The following KCNAB2 variants were observed in gnomAD, a reference collection of about 807,000 sequenced individuals.
The protein encoded by KCNAB2 is potassium voltage-gated channel subfamily A regulatory beta subunit 2.
In KCNAB2, 29 loss-of-function variants were observed where a neutral mutation model predicts 63.6. That is an observed-to-expected ratio of 0.46 (90% confidence interval 0.34 to 0.62). KCNAB2 has a LOEUF of 0.62. Ranked by LOEUF, KCNAB2 falls within the 20% of genes least tolerant of loss-of-function variation. The pLI is 0.01. For synonymous variants in KCNAB2, 222 were observed against 224.2 expected (o/e 0.99, Z 0.09); for missense variants, 359 against 563.9 (o/e 0.64, Z 3.68).
At chr1:6,018,923 C>T (rs1325028571) in intron 1 of KCNAB2, 2 of 152,336 alleles carry the variant, frequency 1.3e-5, no homozygotes, top group Non-Finnish European at 2.9e-5. Flanking sequence ...TTTATGGATG[C>T]TGAGATTGGG....
intron 15 of KCNAB2, 134 bp from the exon 16 acceptor site, chr1:6,098,351 A>T: frequency 6.8e-7 from 1 of 1,468,816 alleles, no homozygotes; most frequent in Non-Finnish European, 9.0e-7. Flanking sequence ...CATCTGCCTC[A>T]GATGGAGCCC....
At chr1:6,084,942 GGGGCCGCCA>G (rs1448413040) in intron 5 of KCNAB2, among the ~76,000 whole-genome samples, 1 of 152,246 alleles carries the variant, frequency 6.6e-6, no homozygotes, top group Non-Finnish European at 1.5e-5. Flanking sequence ...TGTGAGAGCT[GGGGCCGCCA>G]CTGCTTAGAC....
At chr1:6,020,324 G>A (rs982671069) in intron 1 of KCNAB2, among the ~76,000 whole-genome samples, 3 of 152,128 alleles carry the variant, frequency 2.0e-5, no homozygotes, top group African/African-American at 4.8e-5. Context: ...GGGCTGGCTC[G>A]GGATCTCGTT....
chr1:6,074,079 G>A lies in KCNAB2; in HGVS notation c.300+309G>A, dbSNP rs1024126328. Among the ~76,000 whole-genome samples, 2 of 152,172 alleles carry A rather than the reference G, an allele frequency of 1.3e-5. No homozygotes were observed. Among genetic ancestry groups the A allele is most frequent in the Non-Finnish European group, 2.9e-5 (2 of 68,026 alleles). On this transcript the variant is annotated intron_variant, in intron 4 of 15. Transcript: ENST00000378083. The surrounding 1 kb of genome is among the most constrained non-coding windows in gnomAD (Gnocchi z 4.9). ...GCGTGACCCCCATTCCACAGTTAAC[G>A]AGGAGAATTCAGGGTGCACACGCTT...
chr1:6,020,906 C>T (rs922017758), intron 1 of KCNAB2, among the ~76,000 whole-genome samples: 9 of 152,034 alleles, frequency 5.9e-5, no homozygotes, highest in Admixed American at 2.0e-4. Flanking sequence ...GTGATCTGCC[C>T]GCCTCGGCCT....
intron 5 of KCNAB2, among the ~76,000 whole-genome samples, chr1:6,084,292 T>C (rs1664459132): frequency 6.6e-6 from 1 of 152,198 alleles, no homozygotes; most frequent in Non-Finnish European, 1.5e-5. Flanking sequence ...CTGGGTTTGG[T>C]GCAGGACCCA....
At chr1:6,026,173 A>C (rs567948528) in intron 1 of KCNAB2, 2 of 152,570 alleles carry the variant, frequency 1.3e-5, no homozygotes, top group East Asian at 3.9e-4. Flanking sequence ...GCCGCTGCTC[A>C]TCCAGGAAGG....
intron 2 of KCNAB2, among the ~76,000 whole-genome samples, chr1:6,051,973 G>A (rs761277386): frequency 6.6e-6 from 1 of 152,078 alleles, no homozygotes; most frequent in Non-Finnish European, 1.5e-5. Flanking sequence ...ATAGTGGGGC[G>A]CACCTGTAGT....
At chr1:6,083,793 TCTC>T (rs886412265) in intron 5 of KCNAB2, among the ~76,000 whole-genome samples, 30 of 152,196 alleles carry the variant, frequency 2.0e-4, no homozygotes, top group African/African-American at 7.2e-4. Flanking sequence ...GCCCCTTGCT[TCTC>T]CTGCTGACAC....
intron 10 of KCNAB2, among the ~76,000 whole-genome samples, 181 bp downstream of exon 10, chr1:6,091,488 A>G (rs1665180926): frequency 6.6e-6 from 1 of 151,862 alleles, no homozygotes; most frequent in African/African-American, 2.4e-5. Context: ...GTGGTGTTGG[A>G]GCCCCTCGCC....
chr1:6,049,790 C>A (rs532576860), intron 1 of KCNAB2, among the ~76,000 whole-genome samples: 1 of 152,354 alleles, frequency 6.6e-6, no homozygotes, highest in Non-Finnish European at 1.5e-5. Context: ...CTGAGCTAGG[C>A]CTCATGCTGG....
chr1:6,009,342 C>G (rs1658010259), intron 1 of KCNAB2, among the ~76,000 whole-genome samples: 1 of 152,240 alleles, frequency 6.6e-6, no homozygotes, highest in South Asian at 2.1e-4. Context: ...GAGCAGGCAG[C>G]AGACCATAAG....
rs752278970 is a variant in KCNAB2, at chr1:6,099,650, G to A, written c.*1076G>A. 2.2e-5 allele frequency: 24 copies of A among 1,112,256 alleles called. No homozygotes were observed. The highest frequency in any genetic ancestry group is 3.0e-5 in the Non-Finnish European group (24 of 810,744). The allele number at this position is 1,112,256 out of a possible 1,614,324, so 68.9% of individuals were successfully genotyped here. The stretch of plus-strand genomic sequence containing the variant: ...TGGGCTTGGGTTTTGTGGAGCGCAT[G>A]CTTGGACCCTTTCAGTAAGGAAGGG... On this transcript the variant is annotated 3_prime_UTR_variant, in exon 16 of 16. Transcript: ENST00000378083.
At chr1:6,077,882 T>C (rs1663812524) in intron 4 of KCNAB2, among the ~76,000 whole-genome samples, 1 of 152,226 alleles carries the variant, frequency 6.6e-6, no homozygotes, top group South Asian at 2.1e-4. Flanking sequence ...AACAGCATGC[T>C]GTGGAGAGGG....
intron 2 of KCNAB2, among the ~76,000 whole-genome samples, chr1:6,062,291 G>A (rs888804202): frequency 6.6e-6 from 1 of 150,408 alleles, no homozygotes; most frequent in Admixed American, 6.6e-5. Flanking sequence ...TCCAGCCTGG[G>A]CAACAAGAAA....
chr1:6,076,782 C>T (rs1663703715), intron 4 of KCNAB2, among the ~76,000 whole-genome samples: 1 of 152,220 alleles, frequency 6.6e-6, no homozygotes, highest in Non-Finnish European at 1.5e-5. Context: ...CCTGAGCTTC[C>T]TTCTGACTTC....
chr1:6,037,524 G>A (rs1383300934), intron 1 of KCNAB2, among the ~76,000 whole-genome samples: 1 of 152,196 alleles, frequency 6.6e-6, no homozygotes, highest in African/African-American at 2.4e-5. Context: ...GGGAGCCTGG[G>A]GGCAGGAACT....
At position 6,096,200 on chromosome 1, in the gene KCNAB2, G is replaced by C; in HGVS notation, c.949-436G>C. 4.4e-6 allele frequency: 2 copies of C among 457,152 alleles called. No homozygotes were observed. The highest frequency in any genetic ancestry group is 4.7e-5 in the Admixed American group (2 of 42,482). 28.3% of individuals were successfully genotyped at this position (457,152 alleles called of 1,614,324 possible). Reference sequence around the variant, plus strand: ...GGCCCCCGACTCCTCCCATCCCATGGCAAGGTCAGGGCCCCCCTCCAGGAG... The same window carrying C: ...GGCCCCCGACTCCTCCCATCCCATGCCAAGGTCAGGGCCCCCCTCCAGGAG... On this transcript the variant is annotated intron_variant, in intron 13 of 15. Coordinates refer to ENST00000378083, the MANE Select transcript of KCNAB2 (RefSeq NM_001199862.2). This position sits in a 1 kb window ranked among gnomAD's most constrained non-coding sequence, Gnocchi z 5.9.
In KCNAB2 at chr1:6,006,689, C is replaced by G. The variant is rs114553063; in HGVS notation, c.-53+13901C>G. 2.4e-3 allele frequency among the ~76,000 whole-genome samples: 137 copies of G among 57,384 alleles called. 6 individuals are homozygous for G. The highest frequency in any genetic ancestry group is 0.012 in the African/African-American group (123 of 10,368). 37.6% of individuals were successfully genotyped at this position (57,384 alleles called of 152,430 possible). The stretch of plus-strand genomic sequence containing the variant: ...CTTCACCCTCCACCCCTCAGCTCAG[C>G]TCCCACATCCCCCACTTCACCCTCA... On this transcript the variant is annotated intron_variant, in intron 1 of 16. Coordinates refer to the KCNAB2 transcript ENST00000341524.
Sources: allele counts gnomAD v4.1 joint callset (sites outside exome capture counted in the v4.1 genomes callset), GRCh38; gene constraint gnomAD v4.1.1; non-coding constraint Gnocchi (gnomAD v3.1); transcripts MANE v1.5; gene names NCBI Gene and HGNC (gene_info 2026-07-23, HGNC 2026-07-21).